The following DCC variants were observed in gnomAD, a reference collection of about 807,000 sequenced individuals.
DCC encodes the protein netrin receptor DCC.
In DCC, 58 loss-of-function variants were observed where a neutral mutation model predicts 172.5. That is an observed-to-expected ratio of 0.34 (90% CI 0.27 to 0.42). The LOEUF (loss-of-function observed/expected upper bound fraction) is 0.42, where lower values mean the gene tolerates loss of function less well. DCC is among the 10% of genes least tolerant of loss of function. The pLI is 1.00. For synonymous variants in DCC, 709 were observed against 644.5 expected, an observed-to-expected ratio of 1.10 and a Z score of -1.52; for missense variants, 1,740 against 1,791.0, an observed-to-expected ratio of 0.97 and a Z score of 0.51.
At chr18:52,566,203 A>G (rs2033156343) in intron 1 of DCC, among the ~76,000 whole-genome samples, 1 of 152,138 alleles carries the variant, frequency 6.6e-6, no homozygotes, top group Non-Finnish European at 1.5e-5. Context: ...AGATGAGTCC[A>G]TGTCCTTTGC....
At chr18:53,353,038 A>G (rs1198434732) in intron 15 of DCC, among the ~76,000 whole-genome samples, 1 of 149,904 alleles carries the variant, frequency 6.7e-6, no homozygotes, top group South Asian at 2.1e-4. Context: ...GTGGTTTGAA[A>G]GAGTTTTATT....
intron 2 of DCC, among the ~76,000 whole-genome samples, chr18:52,824,002 C>T (rs907497820): frequency 1.3e-5 from 2 of 152,094 alleles, no homozygotes; most frequent in African/African-American, 2.4e-5. Context: ...GAAACATGCT[C>T]GCTAAAACTG....
At chr18:53,164,294 G>C (rs937915975) in intron 8 of DCC, among the ~76,000 whole-genome samples, 1 of 152,112 alleles carries the variant, frequency 6.6e-6, no homozygotes, top group African/African-American at 2.4e-5. Context: ...GCTCAGGATA[G>C]AGTGCAGTGG....
intron 8 of DCC, among the ~76,000 whole-genome samples, chr18:53,174,608 C>T (rs1259802216): frequency 1.3e-5 from 2 of 151,016 alleles, no homozygotes; most frequent in Non-Finnish European, 2.9e-5. Flanking sequence ...CACATACACT[C>T]TCCCAAGACT....
intron 1 of DCC, among the ~76,000 whole-genome samples, chr18:52,553,854 G>A (rs992736999): frequency 2.6e-5 from 4 of 151,964 alleles, no homozygotes; most frequent in Non-Finnish European, 5.9e-5. Flanking sequence ...ACATGCAAAG[G>A]CATATAATGA....
At chr18:52,651,986 A>C (rs191340694) in intron 1 of DCC, among the ~76,000 whole-genome samples, 1 of 152,226 alleles carries the variant, frequency 6.6e-6, no homozygotes, top group Admixed American at 6.5e-5. Flanking sequence ...CCACAGTATC[A>C]GCAAACCAGG....
intron 5 of DCC, among the ~76,000 whole-genome samples, chr18:52,962,060 T>G (rs1480146721): frequency 6.6e-6 from 1 of 151,964 alleles, no homozygotes; most frequent in Non-Finnish European, 1.5e-5. Flanking sequence ...AAGGACTTCA[T>G]GTCTAAAACA....
chr18:53,285,841 G>A (rs1449043967), intron 12 of DCC, among the ~76,000 whole-genome samples: 2 of 152,212 alleles, frequency 1.3e-5, no homozygotes, highest in East Asian at 1.9e-4. Context: ...TCTTGCATCA[G>A]CATGACCTGT....
At chr18:53,120,295 C>A (rs781733400) in intron 7 of DCC, among the ~76,000 whole-genome samples, 42 of 151,642 alleles carry the variant, frequency 2.8e-4, no homozygotes, top group Non-Finnish European at 5.8e-4. Context: ...AGAATAAAAA[C>A]ATTTATAGAA....
intron 7 of DCC, among the ~76,000 whole-genome samples, chr18:53,144,906 A>G (rs1307517370): frequency 1.3e-5 from 2 of 152,070 alleles, no homozygotes; most frequent in Non-Finnish European, 2.9e-5. Context: ...GAGATAATAT[A>G]ATAAGGTCAT....
chr18:53,200,488 G>A (rs150473093), intron 9 of DCC, among the ~76,000 whole-genome samples: 11 of 152,258 alleles, frequency 7.2e-5, no homozygotes, highest in African/African-American at 2.6e-4. Context: ...GCATATCCTT[G>A]TGGAAAAGAC....
chr18:53,305,818 TG>T, intron 13 of DCC, 99 bp downstream of exon 13: 2 of 1,300,560 alleles, frequency 1.5e-6, no homozygotes, highest in Non-Finnish European at 2.2e-6. Flanking sequence ...ATTTTCTTCC[TG>T]GCATCCAGGC....
chr18:53,056,677 A>G (rs2042408584), intron 5 of DCC, among the ~76,000 whole-genome samples: 1 of 152,114 alleles, frequency 6.6e-6, no homozygotes, highest in Admixed American at 6.6e-5. Flanking sequence ...GTATTTCAAC[A>G]AAAATGAACA....
chr18:53,511,258 G>C (rs1204891538), intron 27 of DCC, among the ~76,000 whole-genome samples: 1 of 152,220 alleles, frequency 6.6e-6, no homozygotes, highest in African/African-American at 2.4e-5. Flanking sequence ...AAGGATTGCA[G>C]AGAATCACAG....
At chr18:52,535,795 T>TA in intron 1 of DCC, among the ~76,000 whole-genome samples, 1 of 152,280 alleles carries the variant, frequency 6.6e-6, no homozygotes, top group Non-Finnish European at 1.5e-5. Context: ...CCCATTTGCT[T>TA]AGCACTCATT....
chr18:53,477,741 AAT>A (rs2045783302), intron 25 of DCC, among the ~76,000 whole-genome samples: 1 of 152,174 alleles, frequency 6.6e-6, no homozygotes, highest in South Asian at 2.1e-4. Flanking sequence ...TTATTTGTCT[AAT>A]ATTATACTTT....
chr18:52,529,556 C>G (rs1262361809), intron 1 of DCC, among the ~76,000 whole-genome samples: 1 of 152,200 alleles, frequency 6.6e-6, no homozygotes, highest in African/African-American at 2.4e-5. Flanking sequence ...TCCCAAAGTG[C>G]TGGGATTACA....
chr18:52,628,908 T>C (rs2034623526), intron 1 of DCC, among the ~76,000 whole-genome samples: 1 of 152,218 alleles, frequency 6.6e-6, no homozygotes. Context: ...CAGGTGCTTG[T>C]TGTGTACCAA....
At chr18:53,433,129 T>G (rs1911727440) in intron 21 of DCC, among the ~76,000 whole-genome samples, 1 of 152,140 alleles carries the variant, frequency 6.6e-6, no homozygotes, top group Admixed American at 6.6e-5. Flanking sequence ...TGTCCAAGCT[T>G]TAAGCTACTC....
Sources: gnomAD v4.1 joint callset for allele counts (sites outside exome capture counted in the v4.1 genomes callset) on GRCh38, gnomAD v4.1.1 for gene constraint, MANE v1.5 for transcripts, NCBI Gene and HGNC (gene_info 2026-07-23, HGNC 2026-07-21) for gene names.